Variants in LAMB4 observed in about 807,000 individuals in gnomAD.
The protein encoded by LAMB4 is laminin subunit beta-4.
Under a neutral mutation model 199.2 loss-of-function variants are expected in LAMB4, and 196 were observed. That is an observed-to-expected ratio of 0.98 (90% CI 0.88 to 1.11). The LOEUF (loss-of-function observed/expected upper bound fraction) is 1.11, where lower values mean the gene tolerates loss of function less well. Among genes scored for constraint, LAMB4 ranks in the 50% least tolerant of loss-of-function variants. The probability of loss-of-function intolerance (pLI) is 0.00; values close to 1 mark genes in which losing one functional copy is unlikely to be tolerated. For synonymous variants in LAMB4, 744 were observed against 770.6 expected (o/e 0.97, Z 0.57); for missense variants, 2,080 against 2,171.2 (o/e 0.96, Z 0.83).
At chr7:108,046,859 TCTTTG>T (rs1311794561) in intron 28 of LAMB4, among the ~76,000 whole-genome samples, 3 of 151,870 alleles carry the variant, frequency 2.0e-5, no homozygotes, top group Admixed American at 2.0e-4. Flanking sequence ...GAAAAATTAT[TCTTTG>T]CTTTGAGAGA....
At chr7:108,062,212 G>C (rs1010584083) in intron 23 of LAMB4, among the ~76,000 whole-genome samples, 1 of 152,108 alleles carries the variant, frequency 6.6e-6, no homozygotes, top group Admixed American at 6.5e-5. Context: ...AATCACACGT[G>C]CATCTATCTA....
In LAMB4 at chr7:108,029,630, G is replaced by C. The variant is rs189378458; in HGVS notation, c.4993-434C>G. 2.6e-5 allele frequency among the ~76,000 whole-genome samples: 4 copies of C among 152,156 alleles called. No homozygotes were observed. In the South Asian group the frequency reaches 8.3e-4, roughly 32 times the overall value. ...TAGAAACATCAAGGATATGTTATTT[G>C]GTTGGCAAAAAGGTGAGAGAGAAAT... On this transcript the variant is annotated intron_variant, in intron 32 of 33. Transcript: ENST00000388781.
the LAMB4 span, among the ~76,000 whole-genome samples, chr7:108,017,115 T>C: frequency 1.3e-5 from 2 of 152,184 alleles, no homozygotes; most frequent in Non-Finnish European, 2.9e-5. Flanking sequence ...ACATTCTGAT[T>C]AAATATGTGT....
At chr7:108,125,512 T>C (rs2038747345) in intron 1 of LAMB4, among the ~76,000 whole-genome samples, 2 of 152,340 alleles carry the variant, frequency 1.3e-5, no homozygotes, top group Admixed American at 6.5e-5. Context: ...GTGAATAGCC[T>C]ACGATTCATG....
chr7:108,076,214 A>AAAAT (rs2036696299), intron 17 of LAMB4, among the ~76,000 whole-genome samples: 1 of 152,296 alleles, frequency 6.6e-6, no homozygotes, highest in Admixed American at 6.5e-5. Flanking sequence ...AGGAGTAGGG[A>AAAAT]AAATAGATAA....
downstream of LAMB4, among the ~76,000 whole-genome samples, chr7:108,021,219 T>G (rs1458319776): frequency 1.3e-5 from 2 of 152,230 alleles, no homozygotes; most frequent in African/African-American, 4.8e-5. Context: ...TGATTATAAG[T>G]TGCAGTATTT....
intron 16 of LAMB4, 115 bp from the exon 17 acceptor site, chr7:108,077,179 G>T: frequency 9.5e-7 from 1 of 1,053,250 alleles, no homozygotes; most frequent in Non-Finnish European, 1.4e-6. Flanking sequence ...CTCCACTGTG[G>T]GGCTGAGGCC....
At chr7:108,080,534 C>T (rs1175196244) in intron 14 of LAMB4, among the ~76,000 whole-genome samples, 1 of 152,180 alleles carries the variant, frequency 6.6e-6, no homozygotes, top group Non-Finnish European at 1.5e-5. Context: ...ATCTCAAACT[C>T]TTTCTAACTG....
At chr7:108,060,864 G>A (rs1357392598) in intron 23 of LAMB4, among the ~76,000 whole-genome samples, 1 of 152,228 alleles carries the variant, frequency 6.6e-6, no homozygotes, top group Non-Finnish European at 1.5e-5. Context: ...GAAGAGCATA[G>A]CTCCCTACTC....
intron 14 of LAMB4, among the ~76,000 whole-genome samples, chr7:108,089,571 G>T (rs1222791709): frequency 1.3e-5 from 2 of 152,242 alleles, no homozygotes; most frequent in African/African-American, 4.8e-5. Flanking sequence ...CCTAGAGCCA[G>T]TGACCCTAAC....
At chr7:108,096,424 A>G (rs150022561) in intron 11 of LAMB4, among the ~76,000 whole-genome samples, 1 of 152,300 alleles carries the variant, frequency 6.6e-6, no homozygotes, top group African/African-American at 2.4e-5. Flanking sequence ...TACTTGGGTT[A>G]CTTCCACCTT....
Position 108,055,953 on chromosome 7 carries a change from C to A in LAMB4, c.3434G>T (p.Gly1145Val), listed in dbSNP as rs761675717. ...GACACCCTCCCGGCAGCGGCACATG[C>A]CTGTGTCTGGATCACAGATGGGCTT... Reference protein sequence around the residue: ...TQKPICDPDTGMCRCREGVSG... With the variant: ...TQKPICDPDTVMCRCREGVSG... Residue 1145 changes from glycine to valine, a missense_variant, in exon 25 of 34, where the codon GGC becomes GTC. Coordinates refer to ENST00000388781, the MANE Select transcript of LAMB4 (RefSeq NM_007356.3). The A allele has an allele frequency of 5.0e-6, 8 of 1,614,024 alleles. No individual in the cohort carries two copies. In the African/African-American group the frequency reaches 9.3e-5, roughly 19 times the overall value.
rs1289603162 is a variant in LAMB4 at position 108,063,059 on chromosome 7, C to T, written c.3062-65G>A. 9.2e-6 allele frequency: 10 copies of T among 1,089,478 alleles called. No homozygotes were observed. The East Asian group carries it at 1.4e-4, about 15-fold the overall frequency. The allele number at this position is 1,089,478 out of a possible 1,614,324, so 67.5% of individuals were successfully genotyped here. A position where few individuals can be genotyped will look rare whatever the true frequency, so the allele number is the denominator to read the frequency against. ...TAAATGTGGCATTTAGCAAACCATA[C>T]AAACAGCGTTTTAGACCTGGATGTA... On this transcript the variant is annotated intron_variant, in intron 22 of 33. Coordinates refer to ENST00000388781, the MANE Select transcript of LAMB4 (RefSeq NM_007356.3).
rs375391981 is a variant in LAMB4, at chr7:108,102,266, G to A, written c.1180+778C>T. On this transcript the variant is annotated intron_variant, in intron 10 of 33. Coordinates refer to ENST00000388781, the MANE Select transcript of LAMB4 (RefSeq NM_007356.3). The stretch of plus-strand genomic sequence containing the variant: ...AACTAAGACTACCTGATATAGAAAA[G>A]TCTCAAAAATATAATGTCGAATGAA... 9.9e-5 allele frequency among the ~76,000 whole-genome samples: 15 copies of A among 152,150 alleles called. No individual in the cohort carries two copies. In the East Asian group the frequency reaches 1.9e-3, roughly 20 times the overall value.
intron 14 of LAMB4, among the ~76,000 whole-genome samples, chr7:108,086,875 C>T (rs751432210): frequency 6.6e-6 from 1 of 152,144 alleles, no homozygotes; most frequent in Non-Finnish European, 1.5e-5. Flanking sequence ...AGGGTCAAAT[C>T]TGGATTTTAA....
chr7:108,031,608 A>G (rs2035044362), intron 31 of LAMB4, among the ~76,000 whole-genome samples: 1 of 152,010 alleles, frequency 6.6e-6, no homozygotes, highest in Non-Finnish European at 1.5e-5. Context: ...AACAATATAT[A>G]GTATTAAAAT....
At chr7:108,026,119 G>A (rs2034827055) in intron 33 of LAMB4, among the ~76,000 whole-genome samples, 1 of 152,084 alleles carries the variant, frequency 6.6e-6, no homozygotes, top group Non-Finnish European at 1.5e-5. Context: ...CTGCTTCCCT[G>A]GCCCCTTCAG....
At chr7:108,087,432 G>T (rs764092978) in intron 14 of LAMB4, among the ~76,000 whole-genome samples, 2 of 152,190 alleles carry the variant, frequency 1.3e-5, no homozygotes, top group Non-Finnish European at 2.9e-5. Flanking sequence ...ATGCACACAG[G>T]AAGGCTCAGT....
chr7:108,106,458 A>G (rs1388764983), intron 7 of LAMB4, 51 bp downstream of exon 7: 6 of 1,114,102 alleles, frequency 5.4e-6, no homozygotes, highest in East Asian at 2.4e-5. Flanking sequence ...GGAATATGCC[A>G]AACATGAAAT....
Sources: allele counts gnomAD v4.1 joint callset (sites outside exome capture counted in the v4.1 genomes callset), GRCh38; gene constraint gnomAD v4.1.1; transcripts MANE v1.5; gene names NCBI Gene and HGNC (gene_info 2026-07-23, HGNC 2026-07-21).